The following SAMD3 variants were observed in gnomAD, a reference collection of about 807,000 sequenced individuals.
SAMD3 encodes the protein sterile alpha motif domain-containing protein 3.
SAMD3 carries 63 observed loss-of-function variants against 58.5 expected under a neutral mutation model. That is an observed-to-expected ratio of 1.08 (90% CI 0.88 to 1.33). The LOEUF is 1.33. Ranked by LOEUF, SAMD3 falls within the 40% of genes most tolerant of loss-of-function variation. SAMD3 has a pLI of 0.00. For missense variants in SAMD3, 604 were observed against 608.4 expected (o/e 0.99, Z 0.08); for synonymous variants, 220 against 210.3 (o/e 1.05, Z -0.40).
intron 2 of SAMD3, among the ~76,000 whole-genome samples, chr6:130,267,684 C>T (rs930832265): frequency 6.6e-6 from 1 of 152,116 alleles, no homozygotes; most frequent in Non-Finnish European, 1.5e-5. Context: ...AAAATTTGAC[C>T]CCTGACCTAG....
At chr6:130,226,779 G>C (rs1441844588), upstream of SAMD3, among the ~76,000 whole-genome samples, 1 of 151,994 alleles carries the variant, frequency 6.6e-6, no homozygotes, top group Non-Finnish European at 1.5e-5. Context: ...AGTGAGCCGA[G>C]ATCATGCCAT....
intron 2 of SAMD3, among the ~76,000 whole-genome samples, chr6:130,228,384 G>A (rs1796444486): frequency 6.6e-6 from 1 of 152,122 alleles, no homozygotes; most frequent in Non-Finnish European, 1.5e-5. Context: ...GAACCTGAAA[G>A]TTCAAAAAGT....
intron 2 of SAMD3, among the ~76,000 whole-genome samples, chr6:130,284,085 T>G (rs780576134): frequency 1.3e-5 from 2 of 152,194 alleles, no homozygotes; most frequent in Admixed American, 1.3e-4. Context: ...ACTCCTGACT[T>G]CAAGTGATTT....
At chr6:130,290,131 G>T (rs1775315841) in intron 2 of SAMD3, among the ~76,000 whole-genome samples, 1 of 151,548 alleles carries the variant, frequency 6.6e-6, no homozygotes, top group Admixed American at 6.6e-5. Flanking sequence ...ATTAGTCAGG[G>T]TTCTCCACAG....
chr6:130,331,841 T>A (rs753593717), intron 1 of SAMD3, among the ~76,000 whole-genome samples: 6 of 152,244 alleles, frequency 3.9e-5, no homozygotes, highest in Non-Finnish European at 8.8e-5. Context: ...GTTTATGACT[T>A]TACATAGCAT....
rs1329426858 is a variant in SAMD3, at chr6:130,193,895, A to G, written c.384-9272T>C. Among the ~76,000 whole-genome samples the G allele has an allele frequency of 2.6e-5, 4 of 151,968 alleles. 1 individual carries two copies. The South Asian group carries it at 8.3e-4, about 32-fold the overall frequency. On this transcript the variant is annotated intron_variant, in intron 5 of 11. Transcript: ENST00000439090. ...CTCTGTGCCCAATGCAACTTGTCCC[A>G]AATCTTCCTTCTTTCCCTCCCTCCT...
chr6:130,181,440 C>T (rs1333851688), intron 7 of SAMD3, among the ~76,000 whole-genome samples: 1 of 152,134 alleles, frequency 6.6e-6, no homozygotes, highest in Non-Finnish European at 1.5e-5. Flanking sequence ...CATCCAGGCA[C>T]CAGAGTTTCT....
chr6:130,305,716 T>C (rs1775892046), intron 2 of SAMD3, among the ~76,000 whole-genome samples: 1 of 152,248 alleles, frequency 6.6e-6, no homozygotes, highest in African/African-American at 2.4e-5. Flanking sequence ...ATTGATCTGC[T>C]GATATTCAAA....
At chr6:130,263,854 G>GCC (rs1483815864) in intron 2 of SAMD3, among the ~76,000 whole-genome samples, 2 of 152,190 alleles carry the variant, frequency 1.3e-5, no homozygotes, top group East Asian at 3.9e-4. Flanking sequence ...CAGGAGTCTT[G>GCC]CCCCCCGATG....
intron 4 of SAMD3, 65 bp from the exon 5 acceptor site, chr6:130,209,673 C>T (rs951134370): frequency 5.1e-5 from 49 of 966,824 alleles, no homozygotes; most frequent in Admixed American, 9.5e-5. Flanking sequence ...CTCACAGCAG[C>T]TCTGAAGGTA....
At chr6:130,324,539 G>C (rs1776692646) in intron 1 of SAMD3, among the ~76,000 whole-genome samples, 1 of 152,140 alleles carries the variant, frequency 6.6e-6, no homozygotes, top group African/African-American at 2.4e-5. Flanking sequence ...TTTTCAAATT[G>C]TGAAGCACTT....
chr6:130,180,953 C>CTTTCTTTTTTTTTTTT (rs56707260), intron 7 of SAMD3, among the ~76,000 whole-genome samples: 1 of 117,358 alleles, frequency 8.5e-6, no homozygotes, highest in African/African-American at 3.2e-5. Flanking sequence ...TTCTTTCTTT[C>CTTTCTTTTTTTTTTTT]TTTTTTCTTT....
chr6:130,157,064 C>T (rs966059074), intron 8 of SAMD3, among the ~76,000 whole-genome samples: 10 of 139,924 alleles, frequency 7.1e-5, no homozygotes, highest in Admixed American at 4.5e-4. Flanking sequence ...AGTGAGACTC[C>T]GTCTCAAAAA....
intron 8 of SAMD3, among the ~76,000 whole-genome samples, chr6:130,171,960 T>C (rs1482792672): frequency 6.6e-6 from 1 of 152,232 alleles, no homozygotes; most frequent in Non-Finnish European, 1.5e-5. Flanking sequence ...TACCATTATG[T>C]AATGCCTTTC....
intron 2 of SAMD3, among the ~76,000 whole-genome samples, chr6:130,238,309 TGTG>T (rs1773235120): frequency 6.6e-6 from 1 of 152,146 alleles, no homozygotes; most frequent in East Asian, 1.9e-4. Flanking sequence ...GAAAAAATAT[TGTG>T]GGAAGATAGC....
intron 4 of SAMD3, among the ~76,000 whole-genome samples, chr6:130,209,971 T>A (rs969694952): frequency 2.0e-5 from 3 of 152,234 alleles, no homozygotes; most frequent in African/African-American, 7.2e-5. Flanking sequence ...CTCTGCCAGA[T>A]CCCTACTCTG....
At chr6:130,169,500 G>A (rs1027473767) in intron 8 of SAMD3, among the ~76,000 whole-genome samples, 4 of 152,270 alleles carry the variant, frequency 2.6e-5, no homozygotes, top group Non-Finnish European at 5.9e-5. Context: ...CTCTGTAGAC[G>A]TCAACAATGA....
At chr6:130,161,671 G>T (rs1183385285) in intron 8 of SAMD3, 1 of 152,202 alleles carries the variant, frequency 6.6e-6, no homozygotes, top group African/African-American at 2.4e-5. Flanking sequence ...AAGCTGGAAA[G>T]AACTTAGAAA....
At chr6:130,232,649 A>G (rs2152193) in intron 2 of SAMD3, among the ~76,000 whole-genome samples, 24,541 of 152,200 alleles carry the variant, frequency 0.16, 2,171 homozygotes, top group East Asian at 0.36. Context: ...TATGACTTTG[A>G]ACAAGTTACA....
Sources: gnomAD v4.1 joint callset for allele counts (sites outside exome capture counted in the v4.1 genomes callset) on GRCh38, gnomAD v4.1.1 for gene constraint, MANE v1.5 for transcripts, NCBI Gene and HGNC (gene_info 2026-07-23, HGNC 2026-07-21) for gene names.